NDST4: variants seen among roughly 807,000 people sequenced by gnomAD.
NDST4 encodes the protein N-deacetylase and N-sulfotransferase 4.
In NDST4, 63 loss-of-function variants were observed where a neutral mutation model predicts 100.8. That is an observed-to-expected ratio of 0.62 (90% confidence interval 0.51 to 0.77). The LOEUF (loss-of-function observed/expected upper bound fraction) is 0.77. Ranked by LOEUF, NDST4 falls within the 30% of genes least tolerant of loss-of-function variation. NDST4 has a pLI of 0.00. For synonymous variants in NDST4, 377 were observed against 361.8 expected (o/e 1.04, Z -0.48); for missense variants, 943 against 1,018.4 (o/e 0.93, Z 1.01).
At chr4:114,941,046 C>CTTGA (rs1725739355) in intron 4 of NDST4, among the ~76,000 whole-genome samples, 2 of 152,214 alleles carry the variant, frequency 1.3e-5, no homozygotes, top group Non-Finnish European at 2.9e-5. Context: ...CAGTCCCAGG[C>CTTGA]TTGAGGGTGT....
At position 115,023,511 on chromosome 4, in the gene NDST4, A is replaced by C. The variant is rs538460963; in HGVS notation, c.979-46237T>G. Among the ~76,000 whole-genome samples the C allele has an allele frequency of 4.0e-5, 6 of 150,610 alleles. No homozygotes were observed. In the South Asian group the frequency reaches 1.3e-3, roughly 32 times the overall value. ...AAAAAAAAAAAAAAAAAAAGAACTTATTCATGTAACCAAAACCACCTGTTC... is the reference window on the plus strand; with the variant it reads ...AAAAAAAAAAAAAAAAAAAGAACTTCTTCATGTAACCAAAACCACCTGTTC... On this transcript the variant is annotated intron_variant, in intron 2 of 13. Coordinates refer to ENST00000264363, the MANE Select transcript of NDST4 (RefSeq NM_022569.3).
intron 6 of NDST4, among the ~76,000 whole-genome samples, chr4:114,902,563 C>T (rs1266056797): frequency 6.6e-6 from 1 of 151,892 alleles, no homozygotes; most frequent in Admixed American, 6.6e-5. Context: ...GGAGATTTAT[C>T]CTCCTTGATA....
At chr4:114,901,016 G>T (rs1439710727) in intron 6 of NDST4, among the ~76,000 whole-genome samples, 1 of 125,510 alleles carries the variant, frequency 8.0e-6, no homozygotes, top group Non-Finnish European at 1.5e-5. Context: ...GACACTATAT[G>T]ATTTTTTTTT....
chr4:114,831,713 A>T lies in NDST4; in HGVS notation c.2397-1821T>A, dbSNP rs371985590. 5.8e-3 allele frequency among the ~76,000 whole-genome samples: 878 copies of T among 152,062 alleles called. 82 individuals are homozygous for T. In the South Asian group the frequency reaches 0.17, roughly 29 times the overall value. On this transcript the variant is annotated intron_variant, in intron 12 of 13. Coordinates refer to ENST00000264363, the MANE Select transcript of NDST4 (RefSeq NM_022569.3). ...AGAGCCCTCCAGAATACCGAAAGTCATTTTTTTTAGATAGGGTTGTCATAA... is the reference window on the plus strand; with the variant it reads ...AGAGCCCTCCAGAATACCGAAAGTCTTTTTTTTTAGATAGGGTTGTCATAA...
intron 1 of NDST4, among the ~76,000 whole-genome samples, chr4:115,097,868 T>C (rs1368629047): frequency 1.3e-5 from 2 of 152,204 alleles, no homozygotes; most frequent in Non-Finnish European, 2.9e-5. Context: ...GTTCTTTACA[T>C]ATGTACTTCT....
intron 1 of NDST4, among the ~76,000 whole-genome samples, chr4:115,099,870 T>C (rs993425842): frequency 1.3e-5 from 2 of 152,274 alleles, no homozygotes; most frequent in East Asian, 3.9e-4. Flanking sequence ...GATGTTTTAT[T>C]GCAGCTTTAT....
intron 2 of NDST4, among the ~76,000 whole-genome samples, chr4:115,025,085 T>TAC (rs1727952949): frequency 1.3e-5 from 2 of 152,178 alleles, no homozygotes; most frequent in African/African-American, 4.8e-5. Context: ...CCAAATAAAT[T>TAC]TCTGTTCATT....
intron 2 of NDST4, among the ~76,000 whole-genome samples, chr4:115,074,910 A>C (rs1450801924): frequency 6.6e-6 from 1 of 152,280 alleles, no homozygotes; most frequent in East Asian, 1.9e-4. Context: ...AATTATTTGC[A>C]CACAAAATAA....
chr4:114,992,321 G>C (rs943551598), intron 2 of NDST4, among the ~76,000 whole-genome samples: 7 of 151,696 alleles, frequency 4.6e-5, no homozygotes, highest in African/African-American at 1.7e-4. Flanking sequence ...AAACTAAGCA[G>C]AAATTACAGA....
rs1727868782 is a variant in NDST4, at chr4:115,022,421, T to TATATATGTGTTCCATATATATGTGTTCC, written c.979-45175_979-45148dup. Among the ~76,000 whole-genome samples the TATATATGTGTTCCATATATATGTGTTCC allele has an allele frequency of 5.9e-5, 6 of 101,394 alleles. 1 individual carries two copies. Among genetic ancestry groups the TATATATGTGTTCCATATATATGTGTTCC allele is most frequent in the South Asian group, 3.3e-4 (1 of 3,076 alleles). 66.5% of individuals were successfully genotyped at this position (101,394 alleles called of 152,430 possible). A position where few individuals can be genotyped will look rare whatever the true frequency, so the allele number is the denominator to read the frequency against. On this transcript the variant is annotated intron_variant, in intron 2 of 13. Transcript: ENST00000264363. ...ATGTGTTCCATATATATGTGTTCCATATATATGTGTTCCATATATATGTGT... is the reference window on the plus strand; with the variant it reads ...ATGTGTTCCATATATATGTGTTCCATATATATGTGTTCCATATATATGTGTTCCATATATGTGTTCCATATATATGTGT...
intron 2 of NDST4, among the ~76,000 whole-genome samples, chr4:115,023,088 A>G (rs1727894378): frequency 6.6e-6 from 1 of 152,096 alleles, no homozygotes; most frequent in African/African-American, 2.4e-5. Context: ...GACTCAGGAG[A>G]AAAGGGTGGG....
chr4:114,892,271 A>T (rs1724614610), intron 6 of NDST4, among the ~76,000 whole-genome samples: 1 of 152,120 alleles, frequency 6.6e-6, no homozygotes, highest in South Asian at 2.1e-4. Flanking sequence ...CATTATTTAT[A>T]CTTGGATGTA....
At chr4:115,106,033 A>T (rs1578525136) in intron 1 of NDST4, among the ~76,000 whole-genome samples, 1 of 152,128 alleles carries the variant, frequency 6.6e-6, no homozygotes, top group South Asian at 2.1e-4. Context: ...TTCTGCCATC[A>T]AAAAGCTTTT....
chr4:114,966,552 A>G (rs1390153903), intron 4 of NDST4, among the ~76,000 whole-genome samples: 2 of 152,070 alleles, frequency 1.3e-5, no homozygotes, highest in East Asian at 3.8e-4. Context: ...CATTTTTGGA[A>G]CTGCTATGAG....
chr4:114,893,329 C>T (rs1724640003), intron 6 of NDST4, among the ~76,000 whole-genome samples: 1 of 152,124 alleles, frequency 6.6e-6, no homozygotes, highest in Non-Finnish European at 1.5e-5. Context: ...TACTGTCTTC[C>T]ACAATGGTTG....
chr4:115,057,711 CACACACACACACACACACACACAG>C (rs1305523878), intron 2 of NDST4, among the ~76,000 whole-genome samples: 16 of 114,724 alleles, frequency 1.4e-4, no homozygotes, highest in African/African-American at 5.0e-4. Flanking sequence ...CGCACACACA[CACACACACACACACACACACACAG>C]ACACACACAC....
chr4:115,024,992 T>C (rs181212843), intron 2 of NDST4, among the ~76,000 whole-genome samples: 2 of 152,312 alleles, frequency 1.3e-5, no homozygotes, highest in East Asian at 3.9e-4. Context: ...CACTTGCTCT[T>C]CTGCCTTCTG....
At chr4:115,049,314 G>C (rs1728532674) in intron 2 of NDST4, among the ~76,000 whole-genome samples, 1 of 151,960 alleles carries the variant, frequency 6.6e-6, no homozygotes, top group Non-Finnish European at 1.5e-5. Context: ...TAAGATGTCA[G>C]GATCTCGGGT....
chr4:115,063,439 T>C (rs1728865200), intron 2 of NDST4, among the ~76,000 whole-genome samples: 1 of 151,992 alleles, frequency 6.6e-6, no homozygotes, highest in African/African-American at 2.4e-5. Flanking sequence ...TTTTGTAAAC[T>C]AGTTGCTATT....
Sources: allele counts gnomAD v4.1 joint callset (sites outside exome capture counted in the v4.1 genomes callset), GRCh38; gene constraint gnomAD v4.1.1; transcripts MANE v1.5; gene names NCBI Gene and HGNC (gene_info 2026-07-23, HGNC 2026-07-21).